The following ECEL1 variants were observed in gnomAD, a reference collection of about 807,000 sequenced individuals.
ECEL1 encodes the protein endothelin converting enzyme like 1.
A neutral mutation model predicts 101.8 loss-of-function variants in ECEL1; 87 were observed. The observed-to-expected ratio is 0.85, with a 90% CI of 0.72 to 1.02. The LOEUF (loss-of-function observed/expected upper bound fraction) is 1.02. Ranked by LOEUF, ECEL1 falls within the 50% of genes least tolerant of loss-of-function variation. The probability of loss-of-function intolerance (pLI) is 0.00; values close to 1 mark genes in which losing one functional copy is unlikely to be tolerated. For synonymous variants in ECEL1, 487 were observed against 468.7 expected, an observed-to-expected ratio of 1.04 and a Z score of -0.50; for missense variants, 1,032 against 1,079.2, an observed-to-expected ratio of 0.96 and a Z score of 0.61.
Position 232,485,975 on chromosome 2 carries a change from C to G in ECEL1, c.679G>C (p.Asp227His). The change falls in exon 2 of 18, where the codon GAC becomes CAC. Residue 227 changes from aspartate to histidine, a missense_variant. By Grantham distance (81) the Asp-to-His change is moderately conservative (BLOSUM62 -1). Transcript: ENST00000304546. Reference protein sequence around the residue: ...EERPGVAARWDLNRLLYKAQG... With the variant: ...EERPGVAARWHLNRLLYKAQG... The stretch of plus-strand genomic sequence containing the variant: ...GCCTTGTACAGCAGCCGGTTGAGGT[C>G]CCATCGCGCCGCGACCCCCGGACGC... 2 of 1,600,492 alleles carry G rather than the reference C, an allele frequency of 1.2e-6. No homozygotes were observed. The highest frequency in any genetic ancestry group is 1.7e-6 in the Non-Finnish European group (2 of 1,175,282).
rs1385313168 is a variant in ECEL1, at chr2:232,482,866, T to C, written c.1670A>G (p.Glu557Gly). Reference protein sequence around the residue: ...IQLSVKKIRQEVDKSTWLLPP... With the variant: ...IQLSVKKIRQGVDKSTWLLPP... ...AGGCACCCACGTGGACTTGTCCACC[T>C]CCTGCCGAATCTTCTTAACTGAGAG... Residue 557 changes from glutamate to glycine, a missense_variant, in exon 10 of 18, where the codon GAG becomes GGG. Glu to Gly is a moderately conservative substitution (Grantham distance 98). Coordinates refer to ENST00000304546, the MANE Select transcript of ECEL1 (RefSeq NM_004826.4). 6.2e-7 allele frequency: 1 copy of C among 1,614,034 alleles called. No individual in the cohort carries two copies. The highest frequency in any genetic ancestry group is 1.1e-5 in the South Asian group (1 of 91,082).
At chr2:232,483,849 C>T (rs1690647757) in intron 7 of ECEL1, 152 bp downstream of exon 7, 4 of 882,964 alleles carry the variant, frequency 4.5e-6, no homozygotes, top group South Asian at 1.8e-5. Context: ...GGAGGAGCAG[C>T]CTGGGGCCTC....
rs1575078679 is a variant in ECEL1, at chr2:232,486,075, G to C, written c.579C>G (p.Ile193Met). ...FFRSCLDMREIERLGPRPMLE... is the reference protein window; with the variant it reads ...FFRSCLDMREMERLGPRPMLE... ...GCATGGGTCGCGGGCCCAGTCGCTCGATCTCGCGCATGTCGAGGCACGAGC... is the reference window on the plus strand; with the variant it reads ...GCATGGGTCGCGGGCCCAGTCGCTCCATCTCGCGCATGTCGAGGCACGAGC... Residue 193 changes from isoleucine (I) to methionine (M), a missense_variant, in exon 2 of 18, where the codon ATC becomes ATG. Transcript: ENST00000304546. The C allele has an allele frequency of 6.2e-7, 1 of 1,603,648 alleles. No individual in the cohort carries two copies. The highest frequency in any genetic ancestry group is 8.5e-7 in the Non-Finnish European group (1 of 1,176,244).
Position 232,481,526 on chromosome 2 carries a change from A to G in ECEL1, c.1969T>C (p.Phe657Leu). 6.2e-7 allele frequency: 1 copy of G among 1,612,768 alleles called. No homozygotes were observed. Among genetic ancestry groups the G allele is most frequent in the South Asian group, 1.1e-5 (1 of 90,706 alleles). The change falls in exon 14 of 18, where the codon TTC becomes CTC. Residue 657 changes from phenylalanine (F) to leucine (L), a missense_variant. Physicochemically the swap from Phe to Leu is conservative, Grantham distance 22 (BLOSUM62 0). Coordinates refer to ENST00000304546, the MANE Select transcript of ECEL1 (RefSeq NM_004826.4). ...AECIVRLYDNFTVYNQRVNGK... is the reference protein window; with the variant it reads ...AECIVRLYDNLTVYNQRVNGK... ...CTCACCCGCTGGTTGTAGACAGTGAAGTTGTCATAGAGACGGACGATGCAC... is the reference window on the plus strand; with the variant it reads ...CTCACCCGCTGGTTGTAGACAGTGAGGTTGTCATAGAGACGGACGATGCAC...
rs373506794 is a variant in ECEL1, at chr2:232,480,823, CAG to C, written c.2056-12_2056-11del. The C allele has an allele frequency of 1.3e-4, 207 of 1,610,504 alleles. No individual in the cohort carries two copies. In the African/African-American group the frequency reaches 2.4e-3, roughly 19 times the overall value. On this transcript the variant is annotated splice_polypyrimidine_tract_variant and intron_variant, in intron 15 of 17. Coordinates refer to ENST00000304546, the MANE Select transcript of ECEL1 (RefSeq NM_004826.4). ...CCCACTTCTGATAGGCCTGGGGACA[CAG>C]AGAGCATGGACCTGCTATGCCCGCC...
At position 232,480,783 on chromosome 2, in the gene ECEL1, G is replaced by C; in HGVS notation, c.2086C>G (p.Pro696Ala). 2 of 1,614,060 alleles carry C rather than the reference G, an allele frequency of 1.2e-6. No homozygotes were observed. Among genetic ancestry groups the C allele is most frequent in the Non-Finnish European group, 1.7e-6 (2 of 1,179,994 alleles). ...AYQKWVREHG[P>A]EHPLPRLKYT... ...TTGAGCCGGGGAAGTGGGTGCTCTG[G>C]GCCGTGCTCCCGCACCCACTTCTGA... is the stretch of plus-strand genomic sequence containing the variant. The change falls in exon 16 of 18, where the codon CCA becomes GCA. Residue 696 changes from proline to alanine, a missense_variant. Coordinates refer to ENST00000304546, the MANE Select transcript of ECEL1 (RefSeq NM_004826.4).
intron 14 of ECEL1, 85 bp from the exon 15 acceptor site, chr2:232,481,241 A>T: frequency 6.7e-6 from 10 of 1,481,534 alleles, no homozygotes; most frequent in Non-Finnish European, 9.1e-6. Context: ...CCAGCCCCTA[A>T]TTCCTACCAC....
Position 232,484,793 on chromosome 2 carries a change from A to T in ECEL1, c.1059+8T>A. 1 of 1,613,748 alleles carries T rather than the reference A, an allele frequency of 6.2e-7. No individual in the cohort carries two copies. On this transcript the variant is annotated splice_region_variant and intron_variant, in intron 5 of 17. Coordinates refer to ENST00000304546, the MANE Select transcript of ECEL1 (RefSeq NM_004826.4). ...CCTGCCTGCCCACGAGGACTGGGCC[A>T]CACTCACGTGGGGGGTGATCTTCTG...
At chr2:232,484,727 A>G (rs1242493463) in intron 5 of ECEL1, 74 bp downstream of exon 5, 3 of 1,607,038 alleles carry the variant, frequency 1.9e-6, no homozygotes, top group Non-Finnish European at 8.5e-7. Context: ...ATCTCTGGGG[A>G]GAGATGACCC....
In ECEL1 at chr2:232,486,072, C is replaced by A; in HGVS notation, c.582G>T (p.Glu194Asp). The change falls in exon 2 of 18, where the codon GAG becomes GAT. Residue 194 changes from glutamate to aspartate, a missense_variant. Transcript: ENST00000304546. Reference protein sequence around the residue: ...FRSCLDMREIERLGPRPMLEV... With the variant: ...FRSCLDMREIDRLGPRPMLEV... ...CTAGCATGGGTCGCGGGCCCAGTCG[C>A]TCGATCTCGCGCATGTCGAGGCACG... 1 of 1,604,280 alleles carries A rather than the reference C, an allele frequency of 6.2e-7. No individual in the cohort carries two copies. Among genetic ancestry groups the A allele is most frequent in the South Asian group, 1.1e-5 (1 of 89,930 alleles).
chr2:232,484,603 G>A lies in ECEL1; in HGVS notation c.1060-7C>T. On this transcript the variant is annotated splice_polypyrimidine_tract_variant and splice_region_variant and intron_variant, in intron 5 of 17. Transcript: ENST00000304546. ...GCAGCCACTTCCACCGCAACTGTGA[G>A]ACCAAGGACAGGGACAGTGAGGCTA... 6.2e-7 allele frequency: 1 copy of A among 1,613,808 alleles called. No individual in the cohort carries two copies. Among genetic ancestry groups the A allele is most frequent in the Non-Finnish European group, 8.5e-7 (1 of 1,179,982 alleles).
intron 12 of ECEL1, 27 bp from the exon 13 acceptor site, chr2:232,481,876 C>T (rs759553480): frequency 6.2e-7 from 1 of 1,613,162 alleles, no homozygotes. Context: ...AGCATCAGGC[C>T]CTAGCCCTCC....
chr2:232,483,587 C>A, intron 7 of ECEL1, 73 bp from the exon 8 acceptor site: 1 of 1,308,578 alleles, frequency 7.6e-7, no homozygotes, highest in South Asian at 1.4e-5. Flanking sequence ...GGAGGGGTAC[C>A]CCTGCCTTTA....
rs568689441 is a variant in ECEL1, at chr2:232,483,183, C to A, written c.1507-4G>T. 3.8e-6 allele frequency: 6 copies of A among 1,599,362 alleles called. No homozygotes were observed. The highest frequency in any genetic ancestry group is 5.1e-6 in the Non-Finnish European group (6 of 1,173,974). ...CCATCACCATCATGTACTGGAGCTG[C>A]GGGCCGAGGGCAGGTGAAGGTGGCA... On this transcript the variant is annotated splice_region_variant and splice_polypyrimidine_tract_variant and intron_variant, in intron 8 of 17. Transcript: ENST00000304546.
In ECEL1 at chr2:232,482,596, G is replaced by C; in HGVS notation, c.1698C>G (p.Pro566=). Residue 566 remains proline, a synonymous_variant, in exon 11 of 18, where the codon CCC becomes CCG. Coordinates refer to ENST00000304546, the MANE Select transcript of ECEL1 (RefSeq NM_004826.4). Reference sequence around the variant, plus strand: ...GATAGTAGGCATTGAGCGCCTGTGGGGGGAGCAGCCACCTGTGGAGGGATG... The same window carrying C: ...GATAGTAGGCATTGAGCGCCTGTGGCGGGAGCAGCCACCTGTGGAGGGATG... ...QEVDKSTWLL[P]PQALNAYYLP... The C allele has an allele frequency of 1.9e-6, 3 of 1,612,578 alleles. No homozygotes were observed. Among genetic ancestry groups the C allele is most frequent in the Non-Finnish European group, 1.7e-6 (2 of 1,179,394 alleles).
rs778750904 is a variant in ECEL1 at position 232,484,039 on chromosome 2, A to C, written c.1369T>G (p.Phe457Val). Residue 457 changes from phenylalanine (F) to valine (V), a missense_variant, in exon 7 of 18, where the codon TTT becomes GTT. Phe to Val is a conservative substitution (Grantham distance 50). Coordinates refer to ENST00000304546, the MANE Select transcript of ECEL1 (RefSeq NM_004826.4). ...GCAGCTGAGAAGTGCTCATGTACAAAGAGGGCGCCAAGCGCCATGCCAAAG... is the reference window on the plus strand; with the variant it reads ...GCAGCTGAGAAGTGCTCATGTACAACGAGGGCGCCAAGCGCCATGCCAAAG... ...RHFGMALGAL[F>V]VHEHFSAASK... 55 of 1,611,624 alleles carry C rather than the reference A, an allele frequency of 3.4e-5. No individual in the cohort carries two copies. Among genetic ancestry groups the C allele is most frequent in the Non-Finnish European group, 4.2e-5 (50 of 1,178,340 alleles).
Position 232,484,518 on chromosome 2 carries a change from C to T in ECEL1, c.1138G>A (p.Asp380Asn), listed in dbSNP as rs1690669688. The change falls in exon 6 of 18, where the codon GAC becomes AAC. Residue 380 changes from aspartate to asparagine, a missense_variant. Coordinates refer to ENST00000304546, the MANE Select transcript of ECEL1 (RefSeq NM_004826.4). ...AGCTGCGACACCTGCTGCATGTAGT[C>T]TGTCGCCAGCAGCACCACCTCCTCT... ...EEEEVVLLATDYMQQVSQLIR... is the reference protein window; with the variant it reads ...EEEEVVLLATNYMQQVSQLIR... 1 of 1,613,950 alleles carries T rather than the reference C, an allele frequency of 6.2e-7. No individual in the cohort carries two copies. Among genetic ancestry groups the T allele is most frequent in the East Asian group, 2.2e-5 (1 of 44,888 alleles).
At position 232,481,826 on chromosome 2, in the gene ECEL1, C is replaced by T. The variant is rs758805366; in HGVS notation, c.1820G>A (p.Gly607Asp). ...FPQSLNYGGI[G>D]TIIGHELTHG... ...GGTCAGCTCATGTCCAATGATGGTG[C>T]CGATGCCCCCGTAGTTGAGAGACCT... The change falls in exon 13 of 18, where the codon GGC becomes GAC. Residue 607 changes from glycine (G) to aspartate (D), a missense_variant. Gly to Asp is a moderately conservative substitution (Grantham distance 94, BLOSUM62 -1). Coordinates refer to ENST00000304546, the MANE Select transcript of ECEL1 (RefSeq NM_004826.4). 1.9e-6 allele frequency: 3 copies of T among 1,614,020 alleles called. No individual in the cohort carries two copies. Among genetic ancestry groups the T allele is most frequent in the Non-Finnish European group, 1.7e-6 (2 of 1,180,016 alleles).
chr2:232,481,088 C>A lies in ECEL1; in HGVS notation c.2055+3G>T. 1 of 1,558,080 alleles carries A rather than the reference C, an allele frequency of 6.4e-7. No individual in the cohort carries two copies. Among genetic ancestry groups the A allele is most frequent in the Non-Finnish European group, 8.7e-7 (1 of 1,151,072 alleles). The stretch of plus-strand genomic sequence containing the variant: ...AGGGGTGGAGCACAGGCAGGCCGCT[C>A]ACGTGGTAGGCCAGCTTGAGGCCGC... On this transcript the variant is annotated splice_donor_region_variant and intron_variant, in intron 15 of 17. Coordinates refer to ENST00000304546, the MANE Select transcript of ECEL1 (RefSeq NM_004826.4).
Sources: allele counts gnomAD v4.1 joint callset, GRCh38; gene constraint gnomAD v4.1.1; transcripts MANE v1.5; gene names NCBI Gene and HGNC (gene_info 2026-07-23, HGNC 2026-07-21).